NFASC: variants seen among roughly 807,000 people sequenced by gnomAD.
NFASC encodes neurofascin homolog.
Under a neutral mutation model 147.5 loss-of-function variants are expected in NFASC, and 43 were observed. That is an observed-to-expected ratio of 0.29 (90% confidence interval 0.23 to 0.38). The LOEUF (loss-of-function observed/expected upper bound fraction) is 0.38. Ranked by LOEUF, NFASC falls within the 10% of genes least tolerant of loss-of-function variation. The pLI, the probability that NFASC is intolerant of heterozygous loss-of-function variation, is 1.00. For missense variants in NFASC, 1,320 were observed against 1,689.0 expected, an observed-to-expected ratio of 0.78 and a Z score of 3.83; for synonymous variants, 622 against 665.5, an observed-to-expected ratio of 0.93 and a Z score of 1.01.
At chr1:204,943,268 T>A (rs1037191306) in intron 2 of NFASC, among the ~76,000 whole-genome samples, 2 of 152,308 alleles carry the variant, frequency 1.3e-5, no homozygotes, top group Admixed American at 1.3e-4. Flanking sequence ...AGCACTCTAT[T>A]TGAGTCTCAG....
At chr1:204,857,318 G>A (rs1390228047) in intron 1 of NFASC, among the ~76,000 whole-genome samples, 5 of 152,180 alleles carry the variant, frequency 3.3e-5, no homozygotes, top group Non-Finnish European at 5.9e-5. Flanking sequence ...GCCACTTCTC[G>A]ATTCTGCTTC....
intron 3 of NFASC, among the ~76,000 whole-genome samples, chr1:204,950,046 T>C (rs777243081): frequency 8.5e-5 from 13 of 152,218 alleles, no homozygotes; most frequent in East Asian, 3.8e-4. Flanking sequence ...AAGGAGGAGA[T>C]GCCAAGGAGA....
At chr1:204,995,242 G>C (rs2095821465) in intron 24 of NFASC, among the ~76,000 whole-genome samples, 1 of 152,154 alleles carries the variant, frequency 6.6e-6, no homozygotes, top group Non-Finnish European at 1.5e-5. Context: ...GAGAGCTGCA[G>C]GGAGCAGGCC....
intron 4 of NFASC, among the ~76,000 whole-genome samples, chr1:204,951,237 C>G (rs1205879815): frequency 2.0e-5 from 3 of 150,818 alleles, no homozygotes; most frequent in Admixed American, 6.6e-5. Context: ...CAGCCTCAGC[C>G]TCCTGGATTC....
chr1:204,858,696 A>G (rs909569222), intron 1 of NFASC, among the ~76,000 whole-genome samples: 1 of 151,882 alleles, frequency 6.6e-6, no homozygotes, highest in East Asian at 1.9e-4. Context: ...TCCCTTCCTC[A>G]TCATTTTCCT....
chr1:204,890,001 G>A (rs749218653), intron 1 of NFASC, among the ~76,000 whole-genome samples: 3 of 152,244 alleles, frequency 2.0e-5, no homozygotes, highest in East Asian at 1.9e-4. Context: ...TTATTTCCTC[G>A]GGGCTGTAAC....
chr1:205,011,796 TAGGC>T (rs1185705155), intron 28 of NFASC, among the ~76,000 whole-genome samples: 1 of 152,184 alleles, frequency 6.6e-6, no homozygotes, highest in East Asian at 1.9e-4. Flanking sequence ...AAAGGACACA[TAGGC>T]CGGGCGCGGT....
intron 2 of NFASC, chr1:204,929,574 G>A (rs1158570713): frequency 1.3e-5 from 2 of 152,500 alleles, no homozygotes; most frequent in Non-Finnish European, 2.9e-5. Flanking sequence ...TCTAAAAGGG[G>A]AGGTGGGAGG....
intron 1 of NFASC, among the ~76,000 whole-genome samples, chr1:204,836,325 C>A (rs562474663): frequency 5.9e-5 from 9 of 152,150 alleles, no homozygotes; most frequent in Non-Finnish European, 1.3e-4. Flanking sequence ...TGTGTGTTGA[C>A]CATAAGCCAA....
rs1429961099 is a variant in NFASC at position 204,936,481 on chromosome 1, C to T, written c.-90-7745C>T. ...CCTCCCAAAGTGCTGGGATTACAGG[C>T]GTGAGCCACCATGTCCAGCACTAAC... On this transcript the variant is annotated intron_variant, in intron 2 of 29. Transcript: ENST00000339876. Among the ~76,000 whole-genome samples the T allele has an allele frequency of 9.9e-5, 15 of 152,268 alleles. 2 individuals carry two copies. The highest frequency in any genetic ancestry group is 7.2e-4 in the Admixed American group (11 of 15,304).
chr1:204,913,385 G>GA (rs2088212209), intron 1 of NFASC, among the ~76,000 whole-genome samples: 1 of 151,964 alleles, frequency 6.6e-6, no homozygotes, highest in Non-Finnish European at 1.5e-5. Flanking sequence ...AGAGTAAGCA[G>GA]AAAAAATTTT....
chr1:205,016,303 G>A lies in NFASC; in HGVS notation c.3492-5G>A, dbSNP rs1361551074. 3 of 1,602,888 alleles carry A rather than the reference G, an allele frequency of 1.9e-6. No individual in the cohort carries two copies. The highest frequency in any genetic ancestry group is 2.6e-6 in the Non-Finnish European group (3 of 1,169,996). On this transcript the variant is annotated splice_region_variant and splice_polypyrimidine_tract_variant and intron_variant, in intron 29 of 29. Transcript: ENST00000339876. The surrounding 1 kb of genome is among the most constrained non-coding windows in gnomAD (Gnocchi z 5.1). ...ACCTGAGATTCTCTGTCTCTCTTTGGCCAGTGATGAGGACAACAAGCCCCT... is the reference window on the plus strand; with the variant it reads ...ACCTGAGATTCTCTGTCTCTCTTTGACCAGTGATGAGGACAACAAGCCCCT...
intron 20 of NFASC, 114 bp downstream of exon 20, chr1:204,980,554 C>T: frequency 1.2e-6 from 1 of 800,054 alleles, no homozygotes; most frequent in Non-Finnish European, 2.0e-6. Context: ...GACTCTCTGG[C>T]TGGTCTTGGT....
Position 204,928,428 on chromosome 1 carries a change from A to G in NFASC, c.-91+7688A>G, listed in dbSNP as rs914301718. Among the ~76,000 whole-genome samples the G allele has an allele frequency of 9.2e-5, 14 of 152,156 alleles. 1 individual carries two copies. Among genetic ancestry groups the G allele is most frequent in the Admixed American group, 3.9e-4 (6 of 15,282 alleles). ...GCCAGTCTGTGTGGTGTGGGTGTCA[A>G]CGACAAAGCTGGGCTGTAGACCAGG... On this transcript the variant is annotated intron_variant, in intron 2 of 29. Transcript: ENST00000339876.
intron 24 of NFASC, among the ~76,000 whole-genome samples, chr1:204,996,796 G>A (rs2095853854): frequency 6.6e-6 from 1 of 152,148 alleles, no homozygotes. Flanking sequence ...TGCTGCTTGG[G>A]CCTGTGTCTG....
chr1:204,951,972 C>G, intron 4 of NFASC, 39 bp from the exon 5 acceptor site: 1 of 1,558,266 alleles, frequency 6.4e-7, no homozygotes, highest in Non-Finnish European at 8.8e-7. Flanking sequence ...CCAGGGAGGT[C>G]CCTGCAGCCC....
At chr1:204,950,454 G>C (rs1000902909) in intron 3 of NFASC, 103 bp from the exon 4 acceptor site, 11 of 1,079,410 alleles carry the variant, frequency 1.0e-5, no homozygotes, top group Non-Finnish European at 1.4e-5. Flanking sequence ...GGCACACCCC[G>C]CCCACTCCCT....
intron 10 of NFASC, 36 bp from the exon 11 acceptor site, chr1:204,970,580 T>C: frequency 6.2e-7 from 1 of 1,612,446 alleles, no homozygotes; most frequent in Non-Finnish European, 8.5e-7. Context: ...TCCCATGCCA[T>C]CTAACTCCCC....
chr1:204,855,065 C>G (rs1358153972), intron 1 of NFASC, among the ~76,000 whole-genome samples: 1 of 152,246 alleles, frequency 6.6e-6, no homozygotes, highest in Admixed American at 6.5e-5. Context: ...ACAAGGACTC[C>G]TGAGACTCAG....
Sources: gnomAD v4.1 joint callset for allele counts (sites outside exome capture counted in the v4.1 genomes callset) on GRCh38, gnomAD v4.1.1 for gene constraint, Gnocchi (gnomAD v3.1) non-coding constraint, MANE v1.5 for transcripts, NCBI Gene and HGNC (gene_info 2026-07-23, HGNC 2026-07-21) for gene names.